The following EXT1 variants were observed in gnomAD, a reference collection of about 807,000 sequenced individuals.
EXT1 encodes exostosin glycosyltransferase 1, also known as exostosin-1.
EXT1 carries 20 observed loss-of-function variants against 82.5 expected under a neutral mutation model. The observed-to-expected ratio is 0.24, with a 90% CI of 0.17 to 0.35. The LOEUF (loss-of-function observed/expected upper bound fraction) is 0.35. Ranked by LOEUF, EXT1 falls within the 10% of genes least tolerant of loss-of-function variation. The probability of loss-of-function intolerance (pLI) is 1.00; values close to 1 mark genes in which losing one functional copy is unlikely to be tolerated. For synonymous variants in EXT1, 348 were observed against 350.8 expected, an observed-to-expected ratio of 0.99 and a Z score of 0.09; for missense variants, 757 against 936.5, an observed-to-expected ratio of 0.81 and a Z score of 2.50.
At chr8:118,038,653 C>T (rs1188652733) in intron 1 of EXT1, among the ~76,000 whole-genome samples, 1 of 152,182 alleles carries the variant, frequency 6.6e-6, no homozygotes, top group Non-Finnish European at 1.5e-5. Context: ...TATCTTGTCT[C>T]CTTGTAACAA....
chr8:117,825,047 T>C (rs1811987832), intron 4 of EXT1, among the ~76,000 whole-genome samples: 1 of 151,992 alleles, frequency 6.6e-6, no homozygotes, highest in African/African-American at 2.4e-5. Context: ...TTTATTTTTA[T>C]TTTTTGTAGA....
chr8:117,893,761 C>T (rs748399993), intron 1 of EXT1, among the ~76,000 whole-genome samples: 6 of 152,200 alleles, frequency 3.9e-5, no homozygotes, highest in Non-Finnish European at 7.3e-5. Context: ...TAACAAGACT[C>T]CCTCCTTGAT....
intron 1 of EXT1, among the ~76,000 whole-genome samples, chr8:118,072,725 T>C (rs1016986028): frequency 1.3e-5 from 2 of 152,254 alleles, no homozygotes; most frequent in African/African-American, 4.8e-5. Context: ...CCGTGTCTTT[T>C]TTCTGTTCTT....
At chr8:117,969,706 C>T (rs1339813536) in intron 1 of EXT1, among the ~76,000 whole-genome samples, 2 of 152,116 alleles carry the variant, frequency 1.3e-5, no homozygotes, top group African/African-American at 2.4e-5. Flanking sequence ...CGCGCGCACG[C>T]GTGTATGTGC....
chr8:118,097,393 G>A (rs540694988), intron 1 of EXT1, among the ~76,000 whole-genome samples: 58 of 152,266 alleles, frequency 3.8e-4, no homozygotes, highest in South Asian at 2.3e-3. Context: ...GTTGCAGTGA[G>A]CCCAGATCGC....
intron 1 of EXT1, among the ~76,000 whole-genome samples, chr8:118,009,872 G>C (rs943344688): frequency 1.3e-5 from 2 of 152,142 alleles, no homozygotes; most frequent in African/African-American, 2.4e-5. Context: ...GTGCCAAAAA[G>C]GTTGGGAACC....
chr8:117,881,974 C>T lies in EXT1; in HGVS notation c.963-44773G>A, dbSNP rs150459158. On this transcript the variant is annotated intron_variant, in intron 1 of 10. Coordinates refer to ENST00000378204, the MANE Select transcript of EXT1 (RefSeq NM_000127.3). ...GACGTTATTCTGGTGGGAAATACTA[C>T]GAAAAAGTCAAGTGCTGATCAATCT... Among the ~76,000 whole-genome samples, 316 of 152,282 alleles carry T rather than the reference C, an allele frequency of 2.1e-3. 2 individuals are homozygous for T. Among genetic ancestry groups the T allele is most frequent in the Admixed American group, 4.1e-3 (62 of 15,290 alleles).
At chr8:117,881,146 G>C (rs886479163) in intron 1 of EXT1, among the ~76,000 whole-genome samples, 1 of 152,064 alleles carries the variant, frequency 6.6e-6, no homozygotes, top group Admixed American at 6.5e-5. Flanking sequence ...TTCATGCATT[G>C]CCTGTTTTCA....
intron 1 of EXT1, among the ~76,000 whole-genome samples, chr8:117,844,137 C>CTATTATTAT (rs61042253): frequency 0.029 from 4,125 of 142,444 alleles, 64 homozygotes; most frequent in African/African-American, 0.034. Context: ...ATTTCAATTA[C>CTATTATTAT]TATTATTATT....
intron 1 of EXT1, among the ~76,000 whole-genome samples, chr8:117,937,898 A>G (rs1814197563): frequency 6.6e-6 from 1 of 152,124 alleles, no homozygotes; most frequent in African/African-American, 2.4e-5. Flanking sequence ...TTCTCAAAGC[A>G]CTCTATTGGA....
chr8:117,807,084 G>T, intron 9 of EXT1, 133 bp downstream of exon 9: 1 of 1,070,694 alleles, frequency 9.3e-7, no homozygotes, highest in Non-Finnish European at 1.4e-6. Flanking sequence ...TGACACATCA[G>T]CAAAACTTAA....
intron 1 of EXT1, among the ~76,000 whole-genome samples, chr8:118,087,113 A>G (rs1586265605): frequency 1.3e-5 from 2 of 152,240 alleles, no homozygotes; most frequent in East Asian, 3.8e-4. Flanking sequence ...CTGGATAGAA[A>G]CAATGAAAAC....
intron 1 of EXT1, among the ~76,000 whole-genome samples, chr8:118,081,702 G>A (rs952736006): frequency 6.6e-6 from 1 of 152,150 alleles, no homozygotes; most frequent in African/African-American, 2.4e-5. Context: ...CAAAGAAATT[G>A]CCACTGTCAT....
intron 1 of EXT1, among the ~76,000 whole-genome samples, chr8:117,947,191 T>C (rs536106994): frequency 3.5e-4 from 53 of 152,312 alleles, no homozygotes; most frequent in African/African-American, 1.3e-3. Flanking sequence ...TAAATACACT[T>C]GATTCCCAGC....
chr8:117,904,306 AGTTTT>A lies in EXT1; in HGVS notation c.963-67110_963-67106del, dbSNP rs534955255. ...GATGTGCCTATGTCCTTCTTAGTTTAGTTTTATTTTTAAGCATGCAAACTTATGTT... is the reference window on the plus strand; with the variant it reads ...GATGTGCCTATGTCCTTCTTAGTTTAATTTTTAAGCATGCAAACTTATGTT... On this transcript the variant is annotated intron_variant, in intron 1 of 10. Transcript: ENST00000378204. 5.1e-3 allele frequency among the ~76,000 whole-genome samples: 775 copies of A among 152,316 alleles called. 5 individuals carry two copies. Among genetic ancestry groups the A allele is most frequent in the Non-Finnish European group, 5.8e-3 (392 of 68,010 alleles).
chr8:117,850,317 C>T (rs1029852424), intron 1 of EXT1, among the ~76,000 whole-genome samples: 8 of 152,174 alleles, frequency 5.3e-5, no homozygotes, highest in Non-Finnish European at 5.9e-5. Flanking sequence ...GCTCTAAAGG[C>T]GATTGCAGTC....
chr8:117,921,503 G>A (rs925685038), intron 1 of EXT1, among the ~76,000 whole-genome samples: 5 of 152,174 alleles, frequency 3.3e-5, no homozygotes, highest in African/African-American at 9.7e-5. Flanking sequence ...TTCACTCATT[G>A]GCAAAATGAG....
At chr8:118,040,547 T>C (rs896368823) in intron 1 of EXT1, among the ~76,000 whole-genome samples, 7 of 152,316 alleles carry the variant, frequency 4.6e-5, no homozygotes, top group Admixed American at 1.3e-4. Context: ...CATGCTACAA[T>C]TGCAACAAGG....
intron 1 of EXT1, among the ~76,000 whole-genome samples, chr8:118,102,938 G>A (rs974617989): frequency 4.6e-5 from 7 of 152,094 alleles, no homozygotes; most frequent in Admixed American, 1.3e-4. Flanking sequence ...GCGGATCACC[G>A]AAGGTCGGGA....
Sources: gnomAD v4.1 joint callset for allele counts (sites outside exome capture counted in the v4.1 genomes callset) on GRCh38, gnomAD v4.1.1 for gene constraint, MANE v1.5 for transcripts, NCBI Gene and HGNC (gene_info 2026-07-23, HGNC 2026-07-21) for gene names.